WDR93: variants seen among roughly 807,000 people sequenced by gnomAD.
WDR93 encodes WD repeat-containing protein 93.
Under a neutral mutation model 82.9 loss-of-function variants are expected in WDR93, and 73 were observed. The observed-to-expected ratio is 0.88, with a 90% CI of 0.73 to 1.07. WDR93 has a LOEUF of 1.07. Among genes scored for constraint, WDR93 ranks in the 50% least tolerant of loss-of-function variants. The probability of loss-of-function intolerance (pLI) is 0.00; values close to 1 mark genes in which losing one functional copy is unlikely to be tolerated. For missense variants in WDR93, 738 were observed against 826.0 expected (o/e 0.89, Z 1.31); for synonymous variants, 283 against 300.1 (o/e 0.94, Z 0.59).
At position 89,729,116 on chromosome 15, in the gene WDR93, G is replaced by A. The variant is rs1262845703; in HGVS notation, c.1123+23G>A. The A allele has an allele frequency of 5.6e-6, 9 of 1,610,514 alleles. No homozygotes were observed. In the Admixed American group the frequency reaches 1.3e-4, roughly 24 times the overall value. On this transcript the variant is annotated intron_variant, in intron 10 of 16. Coordinates refer to ENST00000268130, the MANE Select transcript of WDR93 (RefSeq NM_020212.2). ...CAGGTAAATGAACATGAAGTGGGTG[G>A]TTGTCCTAGCAAGGAGTCACCTTGG...
rs866334109 is a variant in WDR93 at position 89,699,593 on chromosome 15, T to C, written c.-40-2114T>C. 9.9e-3 allele frequency among the ~76,000 whole-genome samples: 1,505 copies of C among 151,524 alleles called. 26 individuals carry two copies. The highest frequency in any genetic ancestry group is 0.034 in the African/African-American group (1,408 of 41,212). On this transcript the variant is annotated intron_variant, in intron 1 of 16. Coordinates refer to ENST00000268130, the MANE Select transcript of WDR93 (RefSeq NM_020212.2). ...TCTGGGGATTTCAGTCACTCTTTAT[T>C]AGGCCACTTCAAATGATCTCACACC...
intron 1 of WDR93, among the ~76,000 whole-genome samples, chr15:89,694,792 G>C (rs1212214688): frequency 6.6e-6 from 1 of 152,124 alleles, no homozygotes; most frequent in Admixed American, 6.6e-5. Flanking sequence ...TTTTCTTCTA[G>C]AAGTTTTATA....
At chr15:89,714,081 G>A (rs991158886) in intron 5 of WDR93, among the ~76,000 whole-genome samples, 14 of 152,270 alleles carry the variant, frequency 9.2e-5, no homozygotes, top group African/African-American at 3.1e-4. Context: ...CCCATGGGTT[G>A]TTATCTCCTC....
At chr15:89,727,453 C>T (rs1966783069) in intron 9 of WDR93, 125 bp downstream of exon 9, 18 of 1,073,392 alleles carry the variant, frequency 1.7e-5, no homozygotes, top group South Asian at 4.9e-5. Context: ...GGGGCCGGGA[C>T]AGTGGCCCAC....
At chr15:89,691,896 T>A (rs1188004879) in intron 1 of WDR93, among the ~76,000 whole-genome samples, 2 of 152,192 alleles carry the variant, frequency 1.3e-5, no homozygotes, top group Non-Finnish European at 2.9e-5. Flanking sequence ...AAATATAGTC[T>A]GTTTTCCTAC....
chr15:89,737,800 G>C, intron 15 of WDR93, 71 bp downstream of exon 15: 1 of 1,587,408 alleles, frequency 6.3e-7, no homozygotes, highest in Non-Finnish European at 8.6e-7. Flanking sequence ...AACAGAGAGA[G>C]CCCCTCCGAT....
intron 1 of WDR93, among the ~76,000 whole-genome samples, chr15:89,700,757 A>G (rs1376129622): frequency 2.7e-5 from 4 of 145,990 alleles, no homozygotes; most frequent in African/African-American, 1.0e-4. Context: ...GGATCTTGCT[A>G]TGTTGCCCAA....
intron 16 of WDR93, among the ~76,000 whole-genome samples, chr15:89,742,268 A>G (rs1368144988): frequency 6.6e-6 from 1 of 152,122 alleles, no homozygotes; most frequent in Non-Finnish European, 1.5e-5. Context: ...ATTAATTAAA[A>G]TCTTATCTCC....
chr15:89,733,318 C>A lies in WDR93; in HGVS notation c.1544+99C>A. 3.6e-6 allele frequency: 4 copies of A among 1,119,548 alleles called. No individual in the cohort carries two copies. The South Asian group carries it at 4.5e-5, about 13-fold the overall frequency. 69.4% of individuals were successfully genotyped at this position (1,119,548 alleles called of 1,614,324 possible). A position where few individuals can be genotyped will look rare whatever the true frequency, so the allele number is the denominator to read the frequency against. On this transcript the variant is annotated intron_variant, in intron 13 of 16. Transcript: ENST00000268130. ...GACAGCCTCTCTGACTACAGTCCAC[C>A]TTTTGTATAGTCATCACTCTCCTGG...
rs1354322308 is a variant in WDR93, at chr15:89,712,079, G to A, written c.615G>A (p.Gly205=). 1 of 1,612,506 alleles carries A rather than the reference G, an allele frequency of 6.2e-7. No homozygotes were observed. Among genetic ancestry groups the A allele is most frequent in the Non-Finnish European group, 8.5e-7 (1 of 1,179,282 alleles). Residue 205 remains glycine (G), a synonymous_variant, in exon 5 of 17, where the codon GGG becomes GGA. Coordinates refer to ENST00000268130, the MANE Select transcript of WDR93 (RefSeq NM_020212.2). ...TAAAGATGGAGATCTCTCAAGGAGGGGACTTTGCAGCCTTCCTCCTACAAG... is the reference window on the plus strand; with the variant it reads ...TAAAGATGGAGATCTCTCAAGGAGGAGACTTTGCAGCCTTCCTCCTACAAG... The part of the protein sequence containing the change: ...TCIKMEISQG[G]DFAAFLLQGA...
chr15:89,716,872 C>T, intron 6 of WDR93, 39 bp from the exon 7 acceptor site: 2 of 1,442,484 alleles, frequency 1.4e-6, no homozygotes, highest in Non-Finnish European at 1.9e-6. Context: ...AAACATACAT[C>T]AAACCTATTG....
rs568096794 is a variant in WDR93 at position 89,699,612 on chromosome 15, T to C, written c.-40-2095T>C. Among the ~76,000 whole-genome samples, 78 of 126,608 alleles carry C rather than the reference T, an allele frequency of 6.2e-4. No individual in the cohort carries two copies. The Middle Eastern group carries it at 0.015, about 25-fold the overall frequency. The allele number at this position is 126,608 out of a possible 152,430, so 83.1% of individuals were successfully genotyped here. ...CTTTATTAGGCCACTTCAAATGATCTCACACCTCAGTTCTTCTCTTTTTTT... is the reference window on the plus strand; with the variant it reads ...CTTTATTAGGCCACTTCAAATGATCCCACACCTCAGTTCTTCTCTTTTTTT... On this transcript the variant is annotated intron_variant, in intron 1 of 16. Coordinates refer to ENST00000268130, the MANE Select transcript of WDR93 (RefSeq NM_020212.2).
At chr15:89,696,580 G>T (rs757956404) in intron 1 of WDR93, among the ~76,000 whole-genome samples, 1 of 152,090 alleles carries the variant, frequency 6.6e-6, no homozygotes, top group African/African-American at 2.4e-5. Flanking sequence ...CTGCAGCCTT[G>T]ACCTCCCTGG....
chr15:89,704,170 C>CAAAAAA (rs57077770), intron 3 of WDR93: 1 of 130,640 alleles, frequency 7.7e-6, no homozygotes. Context: ...ACGAAAAATA[C>CAAAAAA]AAAAAAAAAA....
chr15:89,698,752 AT>A (rs1038987704), intron 1 of WDR93, among the ~76,000 whole-genome samples: 3 of 151,280 alleles, frequency 2.0e-5, no homozygotes, highest in Non-Finnish European at 4.4e-5. Context: ...CTACATTTTT[AT>A]TTTTTTGTTT....
At chr15:89,722,812 A>G (rs954961169) in intron 8 of WDR93, among the ~76,000 whole-genome samples, 2 of 151,948 alleles carry the variant, frequency 1.3e-5, no homozygotes, top group Non-Finnish European at 2.9e-5. Context: ...AGACATATCT[A>G]TAAGAATGTT....
intron 16 of WDR93, among the ~76,000 whole-genome samples, chr15:89,740,266 A>G (rs2141727267): frequency 6.6e-6 from 1 of 152,218 alleles, no homozygotes; most frequent in East Asian, 1.9e-4. Flanking sequence ...TCCGCTTCCT[A>G]GCTCATACCT....
intron 6 of WDR93, 56 bp downstream of exon 6, chr15:89,715,151 C>A: frequency 6.7e-7 from 1 of 1,503,258 alleles, no homozygotes; most frequent in Non-Finnish European, 9.1e-7. Flanking sequence ...TGACCCACAT[C>A]TAGCCCAAGT....
In WDR93 at chr15:89,731,441, A is replaced by C. The variant is rs755185765; in HGVS notation, c.1211-2A>C. ...CCGGTTGAGTATTGTCCTTCCCCCT[A>C]GACCCCGAGGGTGTGTGGCCCTGTG... On this transcript the variant is annotated splice_acceptor_variant, in intron 11 of 16. Transcript: ENST00000268130. LOFTEE classifies it high-confidence loss of function. 1.5e-5 allele frequency: 25 copies of C among 1,613,922 alleles called. No individual in the cohort carries two copies. The South Asian group carries it at 2.6e-4, about 17-fold the overall frequency.
Sources: gnomAD v4.1 joint callset for allele counts (sites outside exome capture counted in the v4.1 genomes callset) on GRCh38, gnomAD v4.1.1 for gene constraint, MANE v1.5 for transcripts, NCBI Gene and HGNC (gene_info 2026-07-23, HGNC 2026-07-21) for gene names.